The following CRLF1 variants were observed in gnomAD, a reference collection of about 807,000 sequenced individuals.
The protein encoded by CRLF1 is cytokine receptor like factor 1.
A neutral mutation model predicts 48.9 loss-of-function variants in CRLF1; 36 were observed. The ratio of observed to expected loss-of-function variants is 0.74; its 90% CI spans 0.56 to 0.97. The LOEUF (loss-of-function observed/expected upper bound fraction) is 0.97, where lower values mean the gene tolerates loss of function less well. Ranked by LOEUF, CRLF1 falls within the 50% of genes least tolerant of loss-of-function variation. The pLI is 0.00. For missense variants in CRLF1, 534 were observed against 575.1 expected (o/e 0.93, Z 0.73); for synonymous variants, 256 against 253.4 (o/e 1.01, Z -0.10).
intron 1 of CRLF1, among the ~76,000 whole-genome samples, chr19:18,602,333 G>T (rs1976231341): frequency 6.6e-6 from 1 of 152,238 alleles, no homozygotes; most frequent in Admixed American, 6.5e-5. Context: ...GGTTGGCTGG[G>T]TGCGGTGGCT....
chr19:18,603,536 C>T (rs140684184), intron 1 of CRLF1, among the ~76,000 whole-genome samples: 30 of 152,234 alleles, frequency 2.0e-4, no homozygotes, highest in African/African-American at 7.2e-4. Context: ...GTGAGATATG[C>T]GTTAAAAGGA....
intron 1 of CRLF1, 46 bp from the exon 2 acceptor site, chr19:18,599,892 C>T: frequency 1.4e-6 from 2 of 1,467,014 alleles, no homozygotes; most frequent in South Asian, 1.5e-5. Context: ...GGGGACCCTC[C>T]AAGCCCCCAA....
At position 18,596,611 on chromosome 19, in the gene CRLF1, A is replaced by G. The variant is rs768299320; in HGVS notation, c.1024+11T>C. On this transcript the variant is annotated intron_variant, in intron 6 of 8. Transcript: ENST00000392386. ...GGCCGCTGGATCACCCAGCCCTAGG[A>G]GGGTGCTCACCACTGCGGGGAGTGG... 1 of 1,613,654 alleles carries G rather than the reference A, an allele frequency of 6.2e-7. No homozygotes were observed. Among genetic ancestry groups the G allele is most frequent in the Non-Finnish European group, 8.5e-7 (1 of 1,179,866 alleles).
intron 1 of CRLF1, among the ~76,000 whole-genome samples, chr19:18,603,104 G>A (rs1176197256): frequency 2.0e-5 from 3 of 152,228 alleles, no homozygotes; most frequent in East Asian, 1.9e-4. Context: ...TCGTTCACGC[G>A]TTCATCTATT....
chr19:18,594,032 T>TTGGGGCG, intron 8 of CRLF1, 33 bp downstream of exon 8: 9 of 695,810 alleles, frequency 1.3e-5, no homozygotes, highest in Non-Finnish European at 1.8e-5. Context: ...CTCCCCTTGC[T>TTGGGGCG]CCCTCCCGCC....
chr19:18,594,513 C>T lies in CRLF1; in HGVS notation c.1025-79G>A, dbSNP rs1976104144. 3.5e-6 allele frequency: 4 copies of T among 1,136,272 alleles called. No homozygotes were observed. In the Admixed American group the frequency reaches 1.3e-4, roughly 37 times the overall value. The allele number at this position is 1,136,272 out of a possible 1,614,324, so 70.4% of individuals were successfully genotyped here. On this transcript the variant is annotated intron_variant, in intron 6 of 8. Transcript: ENST00000392386. ...GGGCAGGAGAGGGGAGACCCCGGCG[C>T]GGCGGGACCATGCTCCCCTCGGGGA...
rs1246270033 is a variant in CRLF1 at position 18,599,562 on chromosome 19, T to TA, written c.397+2dup. 6.2e-7 allele frequency: 1 copy of TA among 1,612,052 alleles called. No homozygotes were observed. The highest frequency in any genetic ancestry group is 8.5e-7 in the Non-Finnish European group (1 of 1,180,022). On this transcript the variant is annotated splice_region_variant and intron_variant, in intron 2 of 8. Transcript: ENST00000392386. ...CCCTGGGGTGTCCTGGGTGCCAACT[T>TA]ACGGCCAACATAGAGGCAGGAGCCA... is the stretch of plus-strand genomic sequence containing the variant.
chr19:18,601,232 C>A (rs1976216502), intron 1 of CRLF1, among the ~76,000 whole-genome samples: 1 of 151,730 alleles, frequency 6.6e-6, no homozygotes, highest in Non-Finnish European at 1.5e-5. Context: ...AAGGGCACTG[C>A]TTAAAATGAA....
At chr19:18,598,740 G>A (rs1976178392) in intron 3 of CRLF1, 32 bp downstream of exon 3, 2 of 1,614,062 alleles carry the variant, frequency 1.2e-6, no homozygotes, top group East Asian at 4.5e-5. Context: ...GCCAGCCTGG[G>A]ACACACACAT....
At chr19:18,599,471 T>C (rs1361042802) in intron 2 of CRLF1, 94 bp downstream of exon 2, 1 of 1,552,966 alleles carries the variant, frequency 6.4e-7, no homozygotes, top group African/African-American at 1.4e-5. Flanking sequence ...CCACAGCTCA[T>C]CCCCAGGCCA....
chr19:18,599,001 T>A (rs1192381753), intron 2 of CRLF1, 100 bp from the exon 3 acceptor site: 1 of 1,566,282 alleles, frequency 6.4e-7, no homozygotes, highest in Non-Finnish European at 8.6e-7. Flanking sequence ...CACCTTGGAG[T>A]GGAAGGAGGG....
intron 1 of CRLF1, among the ~76,000 whole-genome samples, chr19:18,600,838 C>T (rs915940688): frequency 1.3e-5 from 2 of 152,034 alleles, no homozygotes; most frequent in Non-Finnish European, 2.9e-5. Flanking sequence ...GGGTCTCACT[C>T]TGTTGGCCAG....
chr19:18,594,222 A>G, intron 7 of CRLF1, 25 bp downstream of exon 7: 1 of 1,537,070 alleles, frequency 6.5e-7, no homozygotes, highest in Non-Finnish European at 8.8e-7. Flanking sequence ...CCCCACCCCC[A>G]CGCCCGAGGG....
chr19:18,594,398 C>G lies in CRLF1; in HGVS notation c.1061G>C (p.Arg354Pro). ...PGPGGGACEP[R>P]GGEPSSGPVR... ...CGGCCCCGAGCTCGGCTCTCCGCCC[C>G]GCGGTTCGCACGCCCCGCCGCCCGG... The change falls in exon 7 of 9, where the codon CGG becomes CCG. Residue 354 changes from arginine to proline, a missense_variant. Physicochemically the swap from Arg to Pro is moderately radical, Grantham distance 103. This residue lies in a region of CRLF1 where 528 missense variants were observed against 555.7 expected (regional missense o/e 0.95). Coordinates refer to ENST00000392386, the MANE Select transcript of CRLF1 (RefSeq NM_004750.5). The G allele has an allele frequency of 1.9e-6, 3 of 1,572,396 alleles. No individual in the cohort carries two copies. The highest frequency in any genetic ancestry group is 2.6e-6 in the Non-Finnish European group (3 of 1,157,882).
Position 18,606,444 on chromosome 19 carries a change from G to A in CRLF1, c.115+98C>T, listed in dbSNP as rs1976297280. 25 of 938,182 alleles carry A rather than the reference G, an allele frequency of 2.7e-5. No homozygotes were observed. The highest frequency in any genetic ancestry group is 3.0e-5 in the Non-Finnish European group (23 of 778,614). The allele number at this position is 938,182 out of a possible 1,614,324, so 58.1% of individuals were successfully genotyped here. On this transcript the variant is annotated intron_variant, in intron 1 of 8. Transcript: ENST00000392386. This position sits in a 1 kb window ranked among gnomAD's most constrained non-coding sequence, Gnocchi z 4.8. Reference sequence around the variant, plus strand: ...GGGCGCCTTCCTTTGTTCCCCGGCCGTCCAGGTGGCGCCCGCGCCCCCTCC... The same window carrying A: ...GGGCGCCTTCCTTTGTTCCCCGGCCATCCAGGTGGCGCCCGCGCCCCCTCC...
chr19:18,593,632 C>A lies in CRLF1; in HGVS notation c.1256-53G>T. The A allele has an allele frequency of 7.0e-6, 11 of 1,569,990 alleles. No individual in the cohort carries two copies. The South Asian group carries it at 1.3e-4, about 18-fold the overall frequency. On this transcript the variant is annotated intron_variant, in intron 8 of 8. Transcript: ENST00000392386. ...GCAGGGAGTCCAGGAGAGGGCCGCA[C>A]CACAGAGCCACTGAAGGAGGCTTCA... is the stretch of plus-strand genomic sequence containing the variant.
At position 18,606,520 on chromosome 19, in the gene CRLF1, G is replaced by A. The variant is rs1600659238; in HGVS notation, c.115+22C>T. The A allele has an allele frequency of 1.7e-6, 2 of 1,156,156 alleles. No homozygotes were observed. The highest frequency in any genetic ancestry group is 2.1e-6 in the Non-Finnish European group (2 of 940,126). The allele number at this position is 1,156,156 out of a possible 1,614,324, so 71.6% of individuals were successfully genotyped here. A position where few individuals can be genotyped will look rare whatever the true frequency, so the allele number is the denominator to read the frequency against. On this transcript the variant is annotated intron_variant, in intron 1 of 8. Transcript: ENST00000392386. This position sits in a 1 kb window ranked among gnomAD's most constrained non-coding sequence, Gnocchi z 4.8. Reference sequence around the variant, plus strand: ...GCCCTCTGCTCTGGCAGGGGGGAAGGAGTGGGGCGCCGGGTACTCACGGGC... The same window carrying A: ...GCCCTCTGCTCTGGCAGGGGGGAAGAAGTGGGGCGCCGGGTACTCACGGGC...
At chr19:18,596,543 G>T (rs1366734365) in intron 6 of CRLF1, 79 bp downstream of exon 6, 7 of 1,520,498 alleles carry the variant, frequency 4.6e-6, no homozygotes, top group Non-Finnish European at 6.2e-6. Context: ...AAAAAAAAAA[G>T]AAAAGAAAAC....
chr19:18,595,674 C>T (rs1202753225), intron 6 of CRLF1, among the ~76,000 whole-genome samples: 1 of 152,218 alleles, frequency 6.6e-6, no homozygotes, highest in Admixed American at 6.5e-5. Context: ...TCATAACAGC[C>T]CAAGGCAAGT....
Sources: allele counts gnomAD v4.1 joint callset (sites outside exome capture counted in the v4.1 genomes callset), GRCh38; gene constraint gnomAD v4.1.1; regional missense constraint gnomAD v4.1.1; non-coding constraint Gnocchi (gnomAD v3.1); transcripts MANE v1.5; gene names NCBI Gene and HGNC (gene_info 2026-07-23, HGNC 2026-07-21).